The following SLC6A6 variants were observed in gnomAD, a reference collection of about 807,000 sequenced individuals.
The protein encoded by SLC6A6 is sodium- and chloride-dependent taurine transporter.
Under a neutral mutation model 68.8 loss-of-function variants are expected in SLC6A6, and 16 were observed. The observed-to-expected ratio is 0.23, with a 90% confidence interval of 0.16 to 0.35. SLC6A6 has a LOEUF of 0.35. Among genes scored for constraint, SLC6A6 ranks in the 10% least tolerant of loss-of-function variants. The pLI, the probability that SLC6A6 is intolerant of heterozygous loss-of-function variation, is 1.00. For missense variants in SLC6A6, 474 were observed against 802.8 expected (o/e 0.59, Z 4.95); for synonymous variants, 312 against 315.4 (o/e 0.99, Z 0.12).
At chr3:14,409,732 C>A (rs928023220) in intron 1 of SLC6A6, among the ~76,000 whole-genome samples, 1 of 152,222 alleles carries the variant, frequency 6.6e-6, no homozygotes, top group South Asian at 2.1e-4. Flanking sequence ...AGTCTGGGAA[C>A]GCCGCCTCAG....
chr3:14,444,166 C>T, intron 3 of SLC6A6: 1 of 339,270 alleles, frequency 2.9e-6, no homozygotes, highest in Non-Finnish European at 5.6e-6. Flanking sequence ...AGGCTTGTGT[C>T]TCCCAAGCCC....
At chr3:14,466,092 T>C (rs1700609048) in intron 6 of SLC6A6, among the ~76,000 whole-genome samples, 1 of 151,758 alleles carries the variant, frequency 6.6e-6, no homozygotes, top group Non-Finnish European at 1.5e-5. Flanking sequence ...TGAAACCCCA[T>C]CTCTACTAAA....
At chr3:14,436,326 G>A (rs1395760781) in intron 2 of SLC6A6, among the ~76,000 whole-genome samples, 8 of 152,110 alleles carry the variant, frequency 5.3e-5, no homozygotes, top group Non-Finnish European at 2.9e-5. Context: ...GCAGCCTCCT[G>A]AGTAGCTGGG....
chr3:14,419,987 G>A (rs921685742), intron 2 of SLC6A6, among the ~76,000 whole-genome samples: 1 of 152,160 alleles, frequency 6.6e-6, no homozygotes, highest in Non-Finnish European at 1.5e-5. Context: ...GGTGCATATA[G>A]GAGTGTTGAT....
chr3:14,482,745 G>A (rs909492993), intron 14 of SLC6A6, among the ~76,000 whole-genome samples: 1 of 152,038 alleles, frequency 6.6e-6, no homozygotes, highest in African/African-American at 2.4e-5. Context: ...AACTGGGGGG[G>A]CCCCTGGGGT....
chr3:14,461,871 C>T (rs1358905297), intron 6 of SLC6A6, among the ~76,000 whole-genome samples: 1 of 152,204 alleles, frequency 6.6e-6, no homozygotes, highest in Non-Finnish European at 1.5e-5. Flanking sequence ...CAAAGGATGC[C>T]TGGCTCCCCC....
At chr3:14,439,764 TGA>T (rs1374469393) in intron 2 of SLC6A6, among the ~76,000 whole-genome samples, 6 of 151,914 alleles carry the variant, frequency 3.9e-5, no homozygotes, top group African/African-American at 1.2e-4. Flanking sequence ...TGTGTGTGTG[TGA>T]GGAAGCTGGG....
chr3:14,410,663 C>T lies in SLC6A6; in HGVS notation c.-53-5749C>T, dbSNP rs536886626. ...TGAGCCCTCAGGGTTCTGCTCACAT[C>T]GGGTCCTTGCCGACCCAGAGGCTCA... On this transcript the variant is annotated intron_variant, in intron 1 of 14. Coordinates refer to ENST00000622186, the MANE Select transcript of SLC6A6 (RefSeq NM_003043.6). Among the ~76,000 whole-genome samples, 14 of 152,376 alleles carry T rather than the reference C, an allele frequency of 9.2e-5. No individual in the cohort carries two copies. The South Asian group carries it at 2.7e-3, about 29-fold the overall frequency.
chr3:14,476,734 C>T lies in SLC6A6; in HGVS notation c.1210-471C>T, dbSNP rs368397772. Reference sequence around the variant, plus strand: ...AATGTGTCTGGCAGGGCTCGGCATTCGAGGCCCAAAAGTGAATGTGATACC... The same window carrying T: ...AATGTGTCTGGCAGGGCTCGGCATTTGAGGCCCAAAAGTGAATGTGATACC... On this transcript the variant is annotated intron_variant, in intron 10 of 14. Coordinates refer to ENST00000622186, the MANE Select transcript of SLC6A6 (RefSeq NM_003043.6). Among the ~76,000 whole-genome samples, 218 of 152,340 alleles carry T rather than the reference C, an allele frequency of 1.4e-3. 1 individual carries two copies. The highest frequency in any genetic ancestry group is 2.4e-3 in the Non-Finnish European group (161 of 68,024).
intron 3 of SLC6A6, 35 bp downstream of exon 3, chr3:14,443,898 A>G: frequency 6.8e-7 from 1 of 1,464,516 alleles, no homozygotes; most frequent in Non-Finnish European, 9.6e-7. Context: ...GAGCCCATCC[A>G]GTACAAAGCC....
intron 12 of SLC6A6, 122 bp downstream of exon 12, chr3:14,478,690 A>G: frequency 1.4e-6 from 1 of 706,076 alleles, no homozygotes; most frequent in Non-Finnish European, 2.6e-6. Flanking sequence ...GGCCCTCCCT[A>G]CCTAGACTAC....
intron 2 of SLC6A6, among the ~76,000 whole-genome samples, chr3:14,419,807 A>G (rs1699446939): frequency 6.6e-6 from 1 of 150,472 alleles, no homozygotes; most frequent in East Asian, 2.0e-4. Flanking sequence ...CCCTAGAGCA[A>G]CTCCCCACCC....
intron 5 of SLC6A6, among the ~76,000 whole-genome samples, chr3:14,449,887 G>A (rs898093115): frequency 1.3e-5 from 2 of 152,154 alleles, no homozygotes; most frequent in African/African-American, 4.8e-5. Flanking sequence ...AAGTAGCTGG[G>A]ATTACAGGAA....
chr3:14,426,101 G>A (rs908816695), intron 2 of SLC6A6, among the ~76,000 whole-genome samples: 2 of 152,170 alleles, frequency 1.3e-5, no homozygotes, highest in Non-Finnish European at 1.5e-5. Flanking sequence ...TCTAATCCTT[G>A]AGTTAATTTG....
chr3:14,473,425 C>T (rs1559312572), intron 10 of SLC6A6, among the ~76,000 whole-genome samples: 1 of 152,076 alleles, frequency 6.6e-6, no homozygotes, highest in Admixed American at 6.6e-5. Flanking sequence ...ACTGAGACCC[C>T]CTGAGAGGTT....
intron 2 of SLC6A6, among the ~76,000 whole-genome samples, chr3:14,429,453 G>T (rs1699673593): frequency 6.6e-6 from 1 of 152,198 alleles, no homozygotes; most frequent in South Asian, 2.1e-4. Context: ...AACTCAGCCT[G>T]GCCCAGCCCC....
At chr3:14,417,710 C>T (rs935956448) in intron 2 of SLC6A6, among the ~76,000 whole-genome samples, 4 of 145,666 alleles carry the variant, frequency 2.7e-5, no homozygotes, top group African/African-American at 1.1e-4. Flanking sequence ...CCAGCCTGGG[C>T]GACGCAGCGA....
chr3:14,436,858 GC>G (rs770799261), intron 2 of SLC6A6, among the ~76,000 whole-genome samples: 83 of 152,192 alleles, frequency 5.5e-4, no homozygotes, highest in Admixed American at 3.0e-3. Flanking sequence ...AGCCTCCTGA[GC>G]CCCGTCTCCA....
At chr3:14,447,243 T>C (rs1700144496) in intron 4 of SLC6A6, among the ~76,000 whole-genome samples, 1 of 151,908 alleles carries the variant, frequency 6.6e-6, no homozygotes, top group Non-Finnish European at 1.5e-5. Flanking sequence ...CATCCATCCA[T>C]CCATCCATCC....
Sources: allele counts gnomAD v4.1 joint callset (sites outside exome capture counted in the v4.1 genomes callset), GRCh38; gene constraint gnomAD v4.1.1; transcripts MANE v1.5; gene names NCBI Gene and HGNC (gene_info 2026-07-23, HGNC 2026-07-21).